The following PPP2R3A variants were observed in gnomAD, a reference collection of about 807,000 sequenced individuals.
The protein encoded by PPP2R3A is serine/threonine-protein phosphatase 2A regulatory subunit B'' subunit alpha.
A neutral mutation model predicts 106.9 loss-of-function variants in PPP2R3A; 80 were observed. The ratio of observed to expected loss-of-function variants is 0.75; its 90% CI spans 0.62 to 0.90. The LOEUF is 0.90. Among genes scored for constraint, PPP2R3A ranks in the 40% least tolerant of loss-of-function variants. The pLI is 0.00. For missense variants in PPP2R3A, 1,386 were observed against 1,350.4 expected, an observed-to-expected ratio of 1.03 and a Z score of -0.41; for synonymous variants, 483 against 468.3, an observed-to-expected ratio of 1.03 and a Z score of -0.41.
chr3:136,133,414 T>C (rs1938495382), intron 13 of PPP2R3A, among the ~76,000 whole-genome samples: 2 of 152,114 alleles, frequency 1.3e-5, no homozygotes, highest in South Asian at 4.1e-4. Flanking sequence ...CATTAGGAAA[T>C]TGCAAATTAA....
chr3:136,009,969 CCTCCAGTGGGT>C (rs1301020927), intron 2 of PPP2R3A, among the ~76,000 whole-genome samples: 2 of 152,172 alleles, frequency 1.3e-5, no homozygotes, highest in African/African-American at 4.8e-5. Context: ...TGACCACCAA[CCTCCAGTGGGT>C]CTTTAGTACT....
In PPP2R3A at chr3:136,145,057, A is replaced by G; in HGVS notation, c.3344A>G (p.Glu1115Gly). 1 of 1,612,440 alleles carries G rather than the reference A, an allele frequency of 6.2e-7. No homozygotes were observed. Among genetic ancestry groups the G allele is most frequent in the Non-Finnish European group, 8.5e-7 (1 of 1,179,372 alleles). Residue 1115 changes from glutamate (E) to glycine (G), a missense_variant, in exon 14 of 14, where the codon GAA (glutamate) becomes GGA (glycine). Coordinates refer to ENST00000264977, the MANE Select transcript of PPP2R3A (RefSeq NM_002718.5). ...AQFQEGFEDY[E>G]TDEPASPSEF... ...TGTTATTTCAGCTTTGAAGATTATG[A>G]AACAGATGAACCTGCCTCTCCCTCT...
chr3:136,094,488 T>C (rs933314139), intron 10 of PPP2R3A, among the ~76,000 whole-genome samples: 1 of 152,128 alleles, frequency 6.6e-6, no homozygotes, highest in Non-Finnish European at 1.5e-5. Flanking sequence ...CTGGAAAATC[T>C]CCACACACTT....
chr3:136,041,256 T>TTTG (rs1935271102), intron 4 of PPP2R3A, among the ~76,000 whole-genome samples: 1 of 121,456 alleles, frequency 8.2e-6, no homozygotes, highest in African/African-American at 3.3e-5. Flanking sequence ...TTTTGTTTTT[T>TTTG]TTTTTGTTTT....
chr3:136,020,767 A>C (rs1316169410), intron 2 of PPP2R3A, among the ~76,000 whole-genome samples: 1 of 152,148 alleles, frequency 6.6e-6, no homozygotes, highest in Admixed American at 6.5e-5. Flanking sequence ...AAGAGAAACT[A>C]TTAGCCACAA....
At chr3:136,088,556 T>C (rs1252135326) in intron 9 of PPP2R3A, among the ~76,000 whole-genome samples, 1 of 152,234 alleles carries the variant, frequency 6.6e-6, no homozygotes, top group Non-Finnish European at 1.5e-5. Context: ...TGGATAAACA[T>C]ACAAGTACCT....
chr3:136,077,093 G>A (rs1277161102), intron 6 of PPP2R3A, among the ~76,000 whole-genome samples: 1 of 152,192 alleles, frequency 6.6e-6, no homozygotes, highest in Non-Finnish European at 1.5e-5. Context: ...AGGCTCAGGT[G>A]GCAGTGGGAG....
chr3:136,087,835 G>A (rs1936992856), intron 8 of PPP2R3A, 48 bp from the exon 9 acceptor site: 3 of 1,462,676 alleles, frequency 2.1e-6, no homozygotes, highest in Non-Finnish European at 2.9e-6. Context: ...TGCCTTTATG[G>A]AGCATGTTTC....
intron 1 of PPP2R3A, among the ~76,000 whole-genome samples, chr3:135,972,010 G>A (rs1937260804): frequency 6.6e-6 from 1 of 152,092 alleles, no homozygotes; most frequent in Admixed American, 6.6e-5. Flanking sequence ...ATTTTAAAGT[G>A]TACAAATCAG....
At chr3:136,009,963 CA>C (rs1933987741) in intron 2 of PPP2R3A, among the ~76,000 whole-genome samples, 1 of 152,132 alleles carries the variant, frequency 6.6e-6, no homozygotes, top group African/African-American at 2.4e-5. Flanking sequence ...AATTCATGAC[CA>C]CCAACCTCCA....
At chr3:136,019,831 T>C (rs1167611896) in intron 2 of PPP2R3A, among the ~76,000 whole-genome samples, 1 of 152,198 alleles carries the variant, frequency 6.6e-6, no homozygotes, top group Non-Finnish European at 1.5e-5. Flanking sequence ...ATATCAAAAC[T>C]TACCAATTAT....
chr3:136,107,318 C>T (rs1443206862), intron 13 of PPP2R3A, among the ~76,000 whole-genome samples: 1 of 151,992 alleles, frequency 6.6e-6, no homozygotes, highest in African/African-American at 2.4e-5. Context: ...AAAAAGTTTC[C>T]TACTACCCAC....
intron 2 of PPP2R3A, among the ~76,000 whole-genome samples, chr3:136,017,893 C>T (rs1437981483): frequency 2.0e-5 from 3 of 152,220 alleles, no homozygotes; most frequent in Non-Finnish European, 4.4e-5. Flanking sequence ...TACTCTAAGG[C>T]CTTAGCTGAT....
chr3:136,054,905 C>T lies in PPP2R3A; in HGVS notation c.2469+5544C>T, dbSNP rs562999137. ...TCAGTTTTCTACTCACTATATAATTCGGTTGTAGGGATATAGATATCTCAT... is the reference window on the plus strand; with the variant it reads ...TCAGTTTTCTACTCACTATATAATTTGGTTGTAGGGATATAGATATCTCAT... On this transcript the variant is annotated intron_variant, in intron 5 of 13. Coordinates refer to ENST00000264977, the MANE Select transcript of PPP2R3A (RefSeq NM_002718.5). 3.3e-5 allele frequency among the ~76,000 whole-genome samples: 5 copies of T among 152,252 alleles called. 1 individual carries two copies. Among genetic ancestry groups the T allele is most frequent in the African/African-American group, 9.6e-5 (4 of 41,538 alleles).
At chr3:136,073,717 C>T (rs80101033) in intron 6 of PPP2R3A, among the ~76,000 whole-genome samples, 4 of 152,122 alleles carry the variant, frequency 2.6e-5, no homozygotes, top group Non-Finnish European at 2.9e-5. Context: ...AGTATAAAAA[C>T]GATTATCTGG....
Position 136,007,099 on chromosome 3 carries a change from A to G in PPP2R3A, c.1995+3606A>G, listed in dbSNP as rs1035996286. Among the ~76,000 whole-genome samples, 18 of 152,220 alleles carry G rather than the reference A, an allele frequency of 1.2e-4. 1 individual carries two copies. The highest frequency in any genetic ancestry group is 2.1e-4 in the South Asian group (1 of 4,830). On this transcript the variant is annotated intron_variant, in intron 2 of 13. Coordinates refer to ENST00000264977, the MANE Select transcript of PPP2R3A (RefSeq NM_002718.5). ...CATCTGATCTTCTCTTTTTCCATTC[A>G]GCCTCCAAAAATGTTATCTCAAGCT... is the stretch of plus-strand genomic sequence containing the variant.
chr3:136,113,405 A>G (rs575246041), intron 13 of PPP2R3A, among the ~76,000 whole-genome samples: 26 of 152,326 alleles, frequency 1.7e-4, no homozygotes, highest in African/African-American at 5.8e-4. Context: ...TCCCTATTCA[A>G]TAAATGGTGC....
At chr3:135,966,936 A>G (rs185123899) in intron 1 of PPP2R3A, among the ~76,000 whole-genome samples, 3 of 151,860 alleles carry the variant, frequency 2.0e-5, no homozygotes, top group Non-Finnish European at 2.9e-5. Context: ...GAATTGCCAT[A>G]CTAGGTCAGA....
chr3:135,968,070 C>T (rs1429187390), intron 1 of PPP2R3A, among the ~76,000 whole-genome samples: 1 of 152,160 alleles, frequency 6.6e-6, no homozygotes, highest in Non-Finnish European at 1.5e-5. Context: ...ACTAGTGACG[C>T]AGCATTGTCC....
Sources: allele counts gnomAD v4.1 joint callset (sites outside exome capture counted in the v4.1 genomes callset), GRCh38; gene constraint gnomAD v4.1.1; transcripts MANE v1.5; gene names NCBI Gene and HGNC (gene_info 2026-07-23, HGNC 2026-07-21).